Variants in FSD1 observed in about 807,000 individuals in gnomAD.
The protein encoded by FSD1 is fibronectin type III and SPRY domain-containing protein 1.
In FSD1, 23 loss-of-function variants were observed where a neutral mutation model predicts 58.2. That is an observed-to-expected ratio of 0.40 (90% CI 0.28 to 0.56). The LOEUF is 0.56. Among genes scored for constraint, FSD1 ranks in the 20% least tolerant of loss-of-function variants. FSD1 has a pLI of 0.54. For missense variants in FSD1, 563 were observed against 670.8 expected, an observed-to-expected ratio of 0.84 and a Z score of 1.78; for synonymous variants, 265 against 263.4, an observed-to-expected ratio of 1.01 and a Z score of -0.06.
In FSD1 at chr19:4,323,254, G is replaced by C; in HGVS notation, c.1291+17G>C. ...TCCACCAAGGTGACCCCAAGCCCCA[G>C]CTGCCGTCTCTGGCTGCCCCTGCCT... On this transcript the variant is annotated intron_variant, in intron 11 of 12. Coordinates refer to ENST00000221856, the MANE Select transcript of FSD1 (RefSeq NM_024333.3). The surrounding 1 kb of genome is among the most constrained non-coding windows in gnomAD (Gnocchi z 7.7). 4 of 1,605,404 alleles carry C rather than the reference G, an allele frequency of 2.5e-6. No homozygotes were observed. The highest frequency in any genetic ancestry group is 3.4e-6 in the Non-Finnish European group (4 of 1,178,482).
intron 10 of FSD1, among the ~76,000 whole-genome samples, chr19:4,321,082 AG>A (rs1426106045): frequency 1.8e-5 from 2 of 113,552 alleles, no homozygotes; most frequent in Non-Finnish European, 3.5e-5. Flanking sequence ...GAAATAGCTG[AG>A]ACTGAGGAGT....
rs994155202 is a variant in FSD1 at position 4,323,714 on chromosome 19, G to A, written c.*71G>A. The A allele has an allele frequency of 6.6e-6, 7 of 1,061,294 alleles. No homozygotes were observed. The highest frequency in any genetic ancestry group is 1.6e-5 in the African/African-American group (1 of 63,506). The allele number at this position is 1,061,294 out of a possible 1,614,324, so 65.7% of individuals were successfully genotyped here. A position where few individuals can be genotyped will look rare whatever the true frequency, so the allele number is the denominator to read the frequency against. ...GCCAAGCCCAGGCTGCTGGAGCCAG[G>A]CACCCTCCTCTGTCACTTGCTGCTT... is the stretch of plus-strand genomic sequence containing the variant. On this transcript the variant is annotated 3_prime_UTR_variant, in exon 13 of 13. Transcript: ENST00000221856. This position sits in a 1 kb window ranked among gnomAD's most constrained non-coding sequence, Gnocchi z 7.7.
intron 7 of FSD1, among the ~76,000 whole-genome samples, chr19:4,315,120 CCTTTTTT>C (rs376900992): frequency 4.0e-5 from 6 of 151,708 alleles, no homozygotes; most frequent in Admixed American, 6.6e-5. Context: ...TCTTTCTTTC[CCTTTTTT>C]CTTTTTTCTT....
Position 4,304,776 on chromosome 19 carries a change from G to A in FSD1, c.15+15G>A, listed in dbSNP as rs1257612149. 1.6e-5 allele frequency: 8 copies of A among 488,422 alleles called. No individual in the cohort carries two copies. The highest frequency in any genetic ancestry group is 2.1e-5 in the African/African-American group (1 of 47,416). 30.3% of individuals were successfully genotyped at this position (488,422 alleles called of 1,614,324 possible). On this transcript the variant is annotated intron_variant, in intron 1 of 12. Coordinates refer to ENST00000221856, the MANE Select transcript of FSD1 (RefSeq NM_024333.3). ...AAGAACAGAGGGTAGGACGGGGTGG[G>A]GCAGGGCGGGCCCGCAGGGGCGTCG...
chr19:4,316,472 C>T (rs897088218), intron 7 of FSD1, among the ~76,000 whole-genome samples: 4 of 151,968 alleles, frequency 2.6e-5, no homozygotes, highest in East Asian at 1.9e-4. Context: ...CTGCCCACTT[C>T]GGCCTCCCAA....
intron 1 of FSD1, among the ~76,000 whole-genome samples, chr19:4,305,609 A>G (rs1971609390): frequency 6.6e-6 from 1 of 151,984 alleles, no homozygotes; most frequent in Admixed American, 6.6e-5. Context: ...CTCCTGTAAT[A>G]TGGGGTAGCT....
intron 4 of FSD1, among the ~76,000 whole-genome samples, chr19:4,308,822 C>T (rs1971655496): frequency 6.6e-6 from 1 of 151,542 alleles, no homozygotes; most frequent in African/African-American, 2.4e-5. Context: ...CGCGCCACCG[C>T]ACTCCAGCCT....
At chr19:4,320,991 A>AC (rs1971808949) in intron 10 of FSD1, among the ~76,000 whole-genome samples, 1 of 125,820 alleles carries the variant, frequency 7.9e-6, no homozygotes, top group African/African-American at 3.1e-5. Context: ...AATAGTTGGG[A>AC]CTGAGGAGTA....
chr19:4,307,693 C>T (rs1453181658), intron 3 of FSD1, among the ~76,000 whole-genome samples, 189 bp from the exon 4 acceptor site: 1 of 152,164 alleles, frequency 6.6e-6, no homozygotes, highest in Admixed American at 6.6e-5. Flanking sequence ...GGAAGGGATT[C>T]CCCAGGGATT....
At chr19:4,308,089 A>G in intron 4 of FSD1, 106 bp downstream of exon 4, 2 of 830,494 alleles carry the variant, frequency 2.4e-6, no homozygotes, top group South Asian at 1.7e-5. Context: ...CCCATGCGAT[A>G]GTTGGCAAAA....
chr19:4,306,664 C>T (rs2144754485), intron 3 of FSD1, among the ~76,000 whole-genome samples: 1 of 152,186 alleles, frequency 6.6e-6, no homozygotes, highest in South Asian at 2.1e-4. Context: ...GATGGGGTTT[C>T]ACCGTGTGGG....
chr19:4,305,455 T>C (rs1254647110), intron 1 of FSD1, among the ~76,000 whole-genome samples: 1 of 151,670 alleles, frequency 6.6e-6, no homozygotes, highest in Non-Finnish European at 1.5e-5. Flanking sequence ...CCTTCTCCTC[T>C]GGGGTTTTCT....
At chr19:4,318,850 G>C in intron 9 of FSD1, 22 bp from the exon 10 acceptor site, 2 of 1,602,174 alleles carry the variant, frequency 1.2e-6, no homozygotes, top group South Asian at 2.2e-5. Context: ...TCCTGAGCCT[G>C]CCCACTCCCT....
chr19:4,310,790 G>A, intron 6 of FSD1, 194 bp downstream of exon 6: 2 of 585,004 alleles, frequency 3.4e-6, no homozygotes, highest in South Asian at 2.0e-5. Context: ...GTGGAGCCAT[G>A]GGAAGACCCC....
At chr19:4,315,607 C>CTTT (rs1302777132) in intron 7 of FSD1, among the ~76,000 whole-genome samples, 15 of 93,774 alleles carry the variant, frequency 1.6e-4, no homozygotes, top group Non-Finnish European at 2.4e-4. Flanking sequence ...CGTGCCTGGC[C>CTTT]TTTTTTTTTT....
At chr19:4,315,401 C>T (rs552605285) in intron 7 of FSD1, among the ~76,000 whole-genome samples, 4 of 150,524 alleles carry the variant, frequency 2.7e-5, no homozygotes, top group Non-Finnish European at 5.9e-5. Flanking sequence ...CTCCGCCTCC[C>T]GGGTTCACGC....
At chr19:4,314,472 T>A (rs932031139) in intron 7 of FSD1, among the ~76,000 whole-genome samples, 2 of 151,008 alleles carry the variant, frequency 1.3e-5, no homozygotes, top group East Asian at 3.9e-4. Context: ...ACGGGTGCAG[T>A]GGACTCACAT....
intron 4 of FSD1, 93 bp downstream of exon 4, chr19:4,308,076 C>T (rs1971642830): frequency 1.2e-5 from 12 of 966,474 alleles, no homozygotes; most frequent in South Asian, 1.2e-4. Flanking sequence ...TAAGTATAGC[C>T]CACCCATGCG....
chr19:4,323,506 C>T lies in FSD1; in HGVS notation c.1381-27C>T, dbSNP rs1455608015. On this transcript the variant is annotated intron_variant, in intron 12 of 12. Coordinates refer to ENST00000221856, the MANE Select transcript of FSD1 (RefSeq NM_024333.3). This position sits in a 1 kb window ranked among gnomAD's most constrained non-coding sequence, Gnocchi z 7.7. ...GGCGCTGGGGTTTGAAGCTGAGCCC[C>T]TCCCCCCTCCCCCCGCTGTCCCTCA... The T allele has an allele frequency of 2.0e-6, 2 of 990,142 alleles. No individual in the cohort carries two copies. The highest frequency in any genetic ancestry group is 1.6e-6 in the Non-Finnish European group (1 of 613,300). The allele number at this position is 990,142 out of a possible 1,614,324, so 61.3% of individuals were successfully genotyped here.
Sources: allele counts gnomAD v4.1 joint callset (sites outside exome capture counted in the v4.1 genomes callset), GRCh38; gene constraint gnomAD v4.1.1; non-coding constraint Gnocchi (gnomAD v3.1); transcripts MANE v1.5; gene names NCBI Gene and HGNC (gene_info 2026-07-23, HGNC 2026-07-21).